The following BSN variants were observed in gnomAD, a reference collection of about 807,000 sequenced individuals.
BSN encodes the protein protein bassoon.
In BSN, 57 loss-of-function variants were observed where a neutral mutation model predicts 264.8. That is an observed-to-expected ratio of 0.22 (90% confidence interval 0.17 to 0.27). The LOEUF (loss-of-function observed/expected upper bound fraction) is 0.27, where lower values mean the gene tolerates loss of function less well. BSN is among the 10% of genes least tolerant of loss of function. The pLI, the probability that BSN is intolerant of heterozygous loss-of-function variation, is 1.00. For missense variants in BSN, 4,615 were observed against 5,232.5 expected (o/e 0.88, Z 3.64); for synonymous variants, 2,059 against 2,137.3 (o/e 0.96, Z 1.01).
In BSN at chr3:49,654,471, A is replaced by G. The variant is rs775596047; in HGVS notation, c.4915A>G (p.Asn1639Asp). The change falls in exon 5 of 12, where the codon AAC (asparagine) becomes GAC (aspartate). Residue 1639 changes from asparagine to aspartate, a missense_variant. Transcript: ENST00000296452. This position sits in a 1 kb window ranked among gnomAD's most constrained non-coding sequence, Gnocchi z 4.1. ...LYGWGALPAENISLCRISSVP... is the reference protein window; with the variant it reads ...LYGWGALPAEDISLCRISSVP... Reference sequence around the variant, plus strand: ...TGGCTGGGGTGCCCTCCCTGCTGAGAACATCTCCCTGTGCCGGATCTCCTC... The same window carrying G: ...TGGCTGGGGTGCCCTCCCTGCTGAGGACATCTCCCTGTGCCGGATCTCCTC... 1.9e-6 allele frequency: 3 copies of G among 1,608,928 alleles called. No individual in the cohort carries two copies. In the Admixed American group the frequency reaches 5.0e-5, roughly 27 times the overall value.
chr3:49,631,073 G>A (rs1314323500), intron 2 of BSN, among the ~76,000 whole-genome samples: 7 of 152,166 alleles, frequency 4.6e-5, no homozygotes, highest in Admixed American at 1.3e-4. Context: ...ATTGATAGCC[G>A]GGAACTGTCC....
rs556668452 is a variant in BSN, at chr3:49,556,061, A to G, written c.224+1235A>G. 1.4e-4 allele frequency among the ~76,000 whole-genome samples: 22 copies of G among 152,336 alleles called. No homozygotes were observed. The South Asian group carries it at 2.7e-3, about 19-fold the overall frequency. ...TTGTCCATTTTATACTAGCTATAAT[A>G]GTAATGCAGTTGGATAGCACACAGC... On this transcript the variant is annotated intron_variant, in intron 1 of 11. Coordinates refer to ENST00000296452, the MANE Select transcript of BSN (RefSeq NM_003458.4).
intron 2 of BSN, among the ~76,000 whole-genome samples, chr3:49,630,696 A>G (rs1450800008): frequency 6.6e-6 from 1 of 152,234 alleles, no homozygotes; most frequent in Non-Finnish European, 1.5e-5. Context: ...AAGAAATTTT[A>G]CTCCTAAAAC....
At chr3:49,650,580 T>A in intron 3 of BSN, 32 bp from the exon 4 acceptor site, 1 of 1,560,328 alleles carries the variant, frequency 6.4e-7, no homozygotes, top group East Asian at 2.2e-5. Flanking sequence ...TCTTTTTAAT[T>A]TTCATCAACC....
chr3:49,605,274 CAT>C (rs1281807619), intron 1 of BSN, among the ~76,000 whole-genome samples: 1 of 97,718 alleles, frequency 1.0e-5, no homozygotes, highest in Non-Finnish European at 1.9e-5. Flanking sequence ...TATATATATA[CAT>C]ATATATACAT....
At chr3:49,563,587 C>T (rs1056695292) in intron 1 of BSN, among the ~76,000 whole-genome samples, 12 of 152,236 alleles carry the variant, frequency 7.9e-5, no homozygotes, top group African/African-American at 2.9e-4. Context: ...GTTCTCTCTG[C>T]AGCTTCTGCA....
At position 49,657,303 on chromosome 3, in the gene BSN, A is replaced by C; in HGVS notation, c.7747A>C (p.Ser2583Arg). The C allele has an allele frequency of 5.0e-6, 8 of 1,613,406 alleles. No individual in the cohort carries two copies. The highest frequency in any genetic ancestry group is 5.9e-6 in the Non-Finnish European group (7 of 1,179,922). ...EPCVVRRIADSSVQTDDEDGE... is the reference protein window; with the variant it reads ...EPCVVRRIADRSVQTDDEDGE... ...CTGTGTGGTCAGGAGGATTGCCGAC[A>C]GCAGCGTGCAGACAGACGATGAGGA... The change falls in exon 5 of 12, where the codon AGC becomes CGC. Residue 2583 changes from serine (S) to arginine (R), a missense_variant. This residue lies in a region of BSN where 3,415 missense variants were observed against 3,866.4 expected (regional missense o/e 0.88). Coordinates refer to ENST00000296452, the MANE Select transcript of BSN (RefSeq NM_003458.4).
At position 49,660,635 on chromosome 3, in the gene BSN, C is replaced by T; in HGVS notation, c.8790C>T (p.Pro2930=). 6.2e-7 allele frequency: 1 copy of T among 1,613,058 alleles called. No individual in the cohort carries two copies. The highest frequency in any genetic ancestry group is 8.5e-7 in the Non-Finnish European group (1 of 1,179,920). The part of the protein sequence containing the change: ...ASLLQRGLTG[P]TTVPATKASL... ...TGCTGCAGCGAGGGCTGACGGGGCC[C>T]ACCACTGTCCCTGCTACCAAGGCCA... The change falls in exon 6 of 12, where the codon CCC becomes CCT. Residue 2930 remains proline (P), a synonymous_variant. Transcript: ENST00000296452. This position sits in a 1 kb window ranked among gnomAD's most constrained non-coding sequence, Gnocchi z 7.1.
chr3:49,639,189 C>G (rs998652081), intron 2 of BSN, among the ~76,000 whole-genome samples: 1 of 147,234 alleles, frequency 6.8e-6, no homozygotes, highest in Non-Finnish European at 1.5e-5. Flanking sequence ...TTGCTTCTTT[C>G]TTTCTTTTTC....
intron 1 of BSN, among the ~76,000 whole-genome samples, chr3:49,591,005 AG>A (rs1422630809): frequency 6.6e-6 from 1 of 151,772 alleles, no homozygotes; most frequent in Non-Finnish European, 1.5e-5. Context: ...CCGGAGGCAG[AG>A]GTTGCAGTGA....
intron 1 of BSN, among the ~76,000 whole-genome samples, chr3:49,623,274 A>C (rs766249178): frequency 1.6e-4 from 25 of 152,214 alleles, no homozygotes; most frequent in Non-Finnish European, 3.4e-4. Context: ...CTGGGCCTCC[A>C]CACTGCTCTC....
intron 1 of BSN, among the ~76,000 whole-genome samples, chr3:49,568,698 C>T (rs934059857): frequency 1.3e-5 from 2 of 152,180 alleles, no homozygotes; most frequent in Non-Finnish European, 2.9e-5. Context: ...CATGGTTTAT[C>T]TATGGACATT....
intron 9 of BSN, 27 bp downstream of exon 9, chr3:49,664,581 GGT>G: frequency 6.4e-7 from 1 of 1,572,824 alleles, no homozygotes; most frequent in Non-Finnish European, 8.6e-7. Flanking sequence ...ACTGGTCTGT[GGT>G]GGGTGGCTAC....
chr3:49,579,224 A>G (rs2051873977), intron 1 of BSN, among the ~76,000 whole-genome samples: 1 of 151,098 alleles, frequency 6.6e-6, no homozygotes, highest in Non-Finnish European at 1.5e-5. Flanking sequence ...CATGGCTTCA[A>G]GTGATCCTCC....
intron 1 of BSN, among the ~76,000 whole-genome samples, chr3:49,595,262 G>A (rs376433308): frequency 2.7e-5 from 4 of 149,356 alleles, no homozygotes; most frequent in Admixed American, 6.8e-5. Context: ...GCACGATCTC[G>A]GCTCACTGCA....
intron 1 of BSN, among the ~76,000 whole-genome samples, chr3:49,611,375 A>G (rs1258010487): frequency 6.6e-6 from 1 of 152,182 alleles, no homozygotes; most frequent in Non-Finnish European, 1.5e-5. Flanking sequence ...CTAGGTCAGA[A>G]CACTGTGATG....
intron 3 of BSN, among the ~76,000 whole-genome samples, chr3:49,643,854 C>T (rs978055047): frequency 6.6e-6 from 1 of 152,218 alleles, no homozygotes; most frequent in African/African-American, 2.4e-5. Context: ...CTCTCCGCAG[C>T]CCCTGCTCCA....
chr3:49,592,683 G>T (rs1324630086), intron 1 of BSN, among the ~76,000 whole-genome samples: 1 of 151,356 alleles, frequency 6.6e-6, no homozygotes, highest in East Asian at 2.0e-4. Context: ...CCTGGGAGGC[G>T]GAGCTTGCAG....
chr3:49,603,116 G>C, intron 1 of BSN, among the ~76,000 whole-genome samples: 1 of 146,964 alleles, frequency 6.8e-6, no homozygotes, highest in African/African-American at 2.7e-5. Context: ...CCAGGGCTGG[G>C]CCCCTCAAGT....
Sources: gnomAD v4.1 joint callset for allele counts (sites outside exome capture counted in the v4.1 genomes callset) on GRCh38, gnomAD v4.1.1 for gene constraint, gnomAD v4.1.1 regional missense constraint, Gnocchi (gnomAD v3.1) non-coding constraint, MANE v1.5 for transcripts, NCBI Gene and HGNC (gene_info 2026-07-23, HGNC 2026-07-21) for gene names.